Variants in DSCAM observed in about 807,000 individuals in gnomAD.
DSCAM encodes the protein cell adhesion molecule DSCAM.
In DSCAM, 47 loss-of-function variants were observed where a neutral mutation model predicts 217.7. The ratio of observed to expected loss-of-function variants is 0.22; its 90% confidence interval spans 0.17 to 0.28. The LOEUF (loss-of-function observed/expected upper bound fraction) is 0.28, where lower values mean the gene tolerates loss of function less well. DSCAM is among the 10% of genes least tolerant of loss of function. DSCAM has a pLI of 1.00. For missense variants in DSCAM, 2,080 were observed against 2,618.3 expected, an observed-to-expected ratio of 0.79 and a Z score of 4.49; for synonymous variants, 1,056 against 1,015.3, an observed-to-expected ratio of 1.04 and a Z score of -0.76.
At chr21:40,338,410 T>C in intron 7 of DSCAM, 34 bp from the exon 8 acceptor site, 1 of 1,593,672 alleles carries the variant, frequency 6.3e-7, no homozygotes, top group Non-Finnish European at 8.6e-7. Context: ...TGAAAATAAT[T>C]TAAGGGTACA....
chr21:40,058,384 T>G (rs2089062490), intron 28 of DSCAM, among the ~76,000 whole-genome samples: 2 of 152,196 alleles, frequency 1.3e-5, no homozygotes, highest in Admixed American at 1.3e-4. Flanking sequence ...TGCTTGGCAC[T>G]TATTACTCTC....
In DSCAM at chr21:40,103,093, C is replaced by T. The variant is rs554896341; in HGVS notation, c.3697-9219G>A. 9.2e-5 allele frequency among the ~76,000 whole-genome samples: 14 copies of T among 152,196 alleles called. No individual in the cohort carries two copies. The South Asian group carries it at 1.4e-3, about 16-fold the overall frequency. ...TAATGACCTAGAAATGATTTGAGTA[C>T]GATAGGAAATAATGAGGATAAAATG... On this transcript the variant is annotated intron_variant, in intron 20 of 32. Transcript: ENST00000400454.
intron 3 of DSCAM, among the ~76,000 whole-genome samples, chr21:40,649,684 C>T (rs528043346): frequency 2.0e-5 from 3 of 152,126 alleles, no homozygotes; most frequent in African/African-American, 7.2e-5. Context: ...CTCAGAAGCG[C>T]TTTGAGAGGT....
chr21:40,708,860 G>A lies in DSCAM; in HGVS notation c.44-89C>T, dbSNP rs372988027. ...ATGTCTGGCCTCAGAAAGTTATCCT[G>A]AAAATTAATCATGAGGCGCAGGCTC... On this transcript the variant is annotated intron_variant, in intron 1 of 32. Transcript: ENST00000400454. 4 of 1,009,344 alleles carry A rather than the reference G, an allele frequency of 4.0e-6. No individual in the cohort carries two copies. In the South Asian group the frequency reaches 1.1e-4, roughly 29 times the overall value. The allele number at this position is 1,009,344 out of a possible 1,614,324, so 62.5% of individuals were successfully genotyped here. A position where few individuals can be genotyped will look rare whatever the true frequency, so the allele number is the denominator to read the frequency against.
chr21:40,292,513 C>T (rs897011118), intron 10 of DSCAM, among the ~76,000 whole-genome samples: 5 of 150,864 alleles, frequency 3.3e-5, no homozygotes, highest in Admixed American at 6.6e-5. Flanking sequence ...AAAAAAAAAG[C>T]CTAATATCCA....
At chr21:40,181,966 C>T (rs1011684414) in intron 14 of DSCAM, among the ~76,000 whole-genome samples, 5 of 151,872 alleles carry the variant, frequency 3.3e-5, no homozygotes, top group African/African-American at 1.2e-4. Context: ...CCACTGCAGC[C>T]TCTGTGAGGT....
At chr21:40,599,526 AC>A (rs1205218640) in intron 3 of DSCAM, among the ~76,000 whole-genome samples, 1 of 152,156 alleles carries the variant, frequency 6.6e-6, no homozygotes, top group Non-Finnish European at 1.5e-5. Context: ...TCAAATCGAC[AC>A]CCTAACATCA....
intron 11 of DSCAM, among the ~76,000 whole-genome samples, chr21:40,220,818 C>T (rs1032173425): frequency 3.3e-5 from 5 of 152,194 alleles, no homozygotes; most frequent in African/African-American, 9.7e-5. Flanking sequence ...GCAGCAGGCT[C>T]ACCCTAGCAC....
intron 9 of DSCAM, among the ~76,000 whole-genome samples, chr21:40,301,753 C>T (rs67162236): frequency 0.085 from 12,952 of 152,206 alleles, 760 homozygotes; most frequent in African/African-American, 0.17. Context: ...TGCAACTATG[C>T]GTTGAAAGGA....
At position 40,437,850 on chromosome 21, in the gene DSCAM, C is replaced by CA. The variant is rs764409941; in HGVS notation, c.509-68606dup. Among the ~76,000 whole-genome samples the CA allele has an allele frequency of 1.8e-4, 28 of 151,980 alleles. 1 individual carries two copies. Among genetic ancestry groups the CA allele is most frequent in the African/African-American group, 4.8e-4 (20 of 41,444 alleles). On this transcript the variant is annotated intron_variant, in intron 3 of 32. Coordinates refer to ENST00000400454, the MANE Select transcript of DSCAM (RefSeq NM_001389.5). ...GGGCAAAAAGAGTGAAACTTAGTCTCAAAAAAACAAAAGAAAAAAAGAAGA... is the reference window on the plus strand; with the variant it reads ...GGGCAAAAAGAGTGAAACTTAGTCTCAAAAAAAACAAAAGAAAAAAAGAAGA...
intron 20 of DSCAM, among the ~76,000 whole-genome samples, chr21:40,116,265 A>T (rs906270087): frequency 1.3e-5 from 2 of 152,204 alleles, no homozygotes; most frequent in Non-Finnish European, 2.9e-5. Flanking sequence ...AACTTTTGTG[A>T]CACAAGTTTA....
chr21:40,152,874 C>T (rs1213941360), intron 16 of DSCAM, among the ~76,000 whole-genome samples: 1 of 152,220 alleles, frequency 6.6e-6, no homozygotes, highest in Non-Finnish European at 1.5e-5. Context: ...TGCCTCCTGC[C>T]CCCTTCCCAT....
At chr21:40,329,717 G>A (rs995061605) in intron 8 of DSCAM, among the ~76,000 whole-genome samples, 1 of 151,842 alleles carries the variant, frequency 6.6e-6, no homozygotes, top group African/African-American at 2.4e-5. Context: ...CCTTAAGAAA[G>A]AGTGAGCTGT....
rs973666175 is a variant in DSCAM, at chr21:40,321,870, A to G, written c.1784-9511T>C. ...GCACCTGACCCACCTCTGTCCCCAC[A>G]CCCTGTCCGAGCCCCATTCTCACTC... On this transcript the variant is annotated intron_variant, in intron 8 of 32. Transcript: ENST00000400454. Among the ~76,000 whole-genome samples, 8 of 151,806 alleles carry G rather than the reference A, an allele frequency of 5.3e-5. No individual in the cohort carries two copies. In the East Asian group the frequency reaches 1.6e-3, roughly 29 times the overall value.
rs116555268 is a variant in DSCAM at position 40,549,621 on chromosome 21, A to G, written c.508+143189T>C. ...AACCACACTGAGATACTCAGGCAGC[A>G]TGAAAGGGTATGGAAGACCTAGGTT... On this transcript the variant is annotated intron_variant, in intron 3 of 32. Coordinates refer to ENST00000400454, the MANE Select transcript of DSCAM (RefSeq NM_001389.5). 5.7e-3 allele frequency among the ~76,000 whole-genome samples: 871 copies of G among 152,338 alleles called. 2 individuals carry two copies. The highest frequency in any genetic ancestry group is 0.014 in the Middle Eastern group (4 of 294).
intron 1 of DSCAM, among the ~76,000 whole-genome samples, chr21:40,771,099 A>G (rs981558821): frequency 1.3e-5 from 2 of 152,198 alleles, no homozygotes; most frequent in African/African-American, 4.8e-5. Flanking sequence ...GAGTCAAACT[A>G]AACCAAGAAA....
intron 3 of DSCAM, among the ~76,000 whole-genome samples, chr21:40,671,350 C>G (rs959482361): frequency 5.9e-5 from 9 of 152,074 alleles, no homozygotes; most frequent in African/African-American, 2.2e-4. Flanking sequence ...AACAGACTAG[C>G]CTGAACAAAT....
rs1004619397 is a variant in DSCAM, at chr21:40,351,409, C to T, written c.934+2056G>A. Among the ~76,000 whole-genome samples the T allele has an allele frequency of 2.6e-5, 4 of 152,130 alleles. No homozygotes were observed. In the South Asian group the frequency reaches 8.3e-4, roughly 32 times the overall value. ...TATCCGACCCTGTTGTTTTGAAGTGCCAACTAAATTTCTGAAAGAAAGCTG... is the reference window on the plus strand; with the variant it reads ...TATCCGACCCTGTTGTTTTGAAGTGTCAACTAAATTTCTGAAAGAAAGCTG... On this transcript the variant is annotated intron_variant, in intron 5 of 32. Transcript: ENST00000400454.
intron 10 of DSCAM, among the ~76,000 whole-genome samples, chr21:40,281,356 A>G (rs1347686689): frequency 6.6e-6 from 1 of 152,192 alleles, no homozygotes; most frequent in African/African-American, 2.4e-5. Flanking sequence ...CTTTTTAATT[A>G]TTTAATAATT....
Sources: gnomAD v4.1 joint callset for allele counts (sites outside exome capture counted in the v4.1 genomes callset) on GRCh38, gnomAD v4.1.1 for gene constraint, MANE v1.5 for transcripts, NCBI Gene and HGNC (gene_info 2026-07-23, HGNC 2026-07-21) for gene names.